The following OSTC variants were observed in gnomAD, a reference collection of about 807,000 sequenced individuals.
The protein encoded by OSTC is oligosaccharyltransferase complex non-catalytic subunit.
A neutral mutation model predicts 16.4 loss-of-function variants in OSTC; 16 were observed. The ratio of observed to expected loss-of-function variants is 0.98; its 90% CI spans 0.66 to 1.49. The LOEUF (loss-of-function observed/expected upper bound fraction) is 1.49, where lower values mean the gene tolerates loss of function less well. OSTC is among the 40% of genes most tolerant of loss of function. The pLI is 0.00. For missense variants in OSTC, 139 were observed against 186.3 expected, an observed-to-expected ratio of 0.75 and a Z score of 1.48; for synonymous variants, 67 against 68.5, an observed-to-expected ratio of 0.98 and a Z score of 0.11.
intron 1 of OSTC, among the ~76,000 whole-genome samples, chr4:108,654,769 T>TCAG (rs1726656982): frequency 6.6e-6 from 1 of 152,198 alleles, no homozygotes; most frequent in Admixed American, 6.5e-5. Context: ...ACGATGACAT[T>TCAG]ATGACATAAT....
intron 1 of OSTC, 89 bp from the exon 2 acceptor site, chr4:108,655,473 AGT>A: frequency 2.3e-6 from 2 of 879,064 alleles, no homozygotes. Context: ...TCTCAAAAAA[AGT>A]AAATGAACCT....
At chr4:108,655,883 T>C (rs1726686405) in intron 2 of OSTC, among the ~76,000 whole-genome samples, 3 of 152,312 alleles carry the variant, frequency 2.0e-5, no homozygotes, top group Admixed American at 2.0e-4. Flanking sequence ...CAATTTACAG[T>C]AGGGTGTCAG....
chr4:108,659,444 C>T (rs1560624134), intron 3 of OSTC, among the ~76,000 whole-genome samples: 2 of 152,124 alleles, frequency 1.3e-5, no homozygotes, highest in Admixed American at 1.3e-4. Flanking sequence ...CTGAAGTTTT[C>T]ATTAGCAGAG....
chr4:108,665,526 ATGTTTTGTGTTT>A (rs1435532845), intron 3 of OSTC, among the ~76,000 whole-genome samples: 4 of 27,154 alleles, frequency 1.5e-4, no homozygotes, highest in African/African-American at 2.1e-4. Context: ...GTTAGCCAGG[ATGTTTTGTGTTT>A]TGTTTTGTTT....
chr4:108,667,161 G>C (rs1727029744), intron 3 of OSTC, 86 bp from the exon 4 acceptor site: 4 of 1,065,350 alleles, frequency 3.8e-6, no homozygotes, highest in Non-Finnish European at 5.6e-6. Context: ...CATAAAATTT[G>C]TTTTGGCATT....
intron 3 of OSTC, among the ~76,000 whole-genome samples, chr4:108,664,491 A>G (rs897268441): frequency 7.0e-6 from 1 of 143,870 alleles, no homozygotes; most frequent in Non-Finnish European, 1.5e-5. Context: ...TGTGAAGCTT[A>G]TGTTTTAAAG....
chr4:108,655,001 C>T (rs1726663129), intron 1 of OSTC, among the ~76,000 whole-genome samples: 1 of 152,178 alleles, frequency 6.6e-6, no homozygotes, highest in Non-Finnish European at 1.5e-5. Context: ...GTATTAGCAA[C>T]TCTTATTGGA....
At position 108,663,513 on chromosome 4, in the gene OSTC, A is replaced by G. The variant is rs551951454; in HGVS notation, c.432-3734A>G. Among the ~76,000 whole-genome samples, 123 of 152,332 alleles carry G rather than the reference A, an allele frequency of 8.1e-4. 2 individuals are homozygous for G. In the South Asian group the frequency reaches 9.5e-3, roughly 12 times the overall value. On this transcript the variant is annotated intron_variant, in intron 3 of 3. Transcript: ENST00000361564. ...CCAAGGTGCCCAGCCTGAATAAACC[A>G]TTACTGTTTCTAAAAGAAGAAAGTG...
intron 2 of OSTC, 48 bp downstream of exon 2, chr4:108,655,705 T>G: frequency 6.0e-6 from 8 of 1,334,214 alleles, no homozygotes; most frequent in Non-Finnish European, 8.6e-6. Context: ...AGAAGGTTGC[T>G]GTGGTATGCC....
chr4:108,651,910 G>A (rs550325405), intron 1 of OSTC, among the ~76,000 whole-genome samples: 1 of 152,108 alleles, frequency 6.6e-6, no homozygotes, highest in Non-Finnish European at 1.5e-5. Flanking sequence ...CCCCAATCTA[G>A]AATAGTGAGA....
chr4:108,658,467 T>C (rs1726769183), intron 3 of OSTC, among the ~76,000 whole-genome samples: 1 of 151,650 alleles, frequency 6.6e-6, no homozygotes, highest in African/African-American at 2.4e-5. Context: ...GTTTAATGTG[T>C]ATTTAAAGAT....
chr4:108,663,445 C>T (rs147704478), intron 3 of OSTC: 68 of 306,356 alleles, frequency 2.2e-4, no homozygotes, highest in Middle Eastern at 1.2e-3. Context: ...CCTCGTGATC[C>T]GCCTGCCACG....
intron 2 of OSTC, among the ~76,000 whole-genome samples, chr4:108,656,430 A>G (rs373504189): frequency 2.0e-5 from 3 of 150,556 alleles, no homozygotes; most frequent in Non-Finnish European, 4.4e-5. Context: ...CTTGGTACAT[A>G]TATTGTGTTT....
chr4:108,659,355 C>CTCT (rs10670146), intron 3 of OSTC, among the ~76,000 whole-genome samples: 123,185 of 151,576 alleles, frequency 0.81, 50,391 homozygotes, highest in East Asian at 1. Context: ...GTACTCCAGC[C>CTCT]TCTTATTGTT....
At chr4:108,653,344 C>T (rs780580904) in intron 1 of OSTC, among the ~76,000 whole-genome samples, 4 of 152,114 alleles carry the variant, frequency 2.6e-5, no homozygotes, top group Non-Finnish European at 5.9e-5. Flanking sequence ...CGATATGATT[C>T]CTGAGGAAAT....
intron 3 of OSTC, among the ~76,000 whole-genome samples, chr4:108,666,316 A>G (rs1415484745): frequency 6.6e-6 from 1 of 152,200 alleles, no homozygotes; most frequent in African/African-American, 2.4e-5. Context: ...AGAGCCTAAA[A>G]TAGATTGATT....
intron 3 of OSTC, among the ~76,000 whole-genome samples, chr4:108,658,695 T>C (rs952530702): frequency 1.2e-4 from 19 of 152,142 alleles, no homozygotes; most frequent in South Asian, 6.2e-4. Context: ...GTATTTTATT[T>C]TTAGTATTTT....
chr4:108,667,121 A>AT, intron 3 of OSTC, 126 bp from the exon 4 acceptor site: 1 of 701,748 alleles, frequency 1.4e-6, no homozygotes, highest in Non-Finnish European at 2.3e-6. Context: ...GAATCACGCA[A>AT]TTATATTTTT....
Position 108,667,196 on chromosome 4 carries a change from A to C in OSTC, c.432-51A>C, listed in dbSNP as rs750345028. 3 of 1,497,654 alleles carry C rather than the reference A, an allele frequency of 2.0e-6. No homozygotes were observed. The East Asian group carries it at 6.8e-5, about 34-fold the overall frequency. The allele number at this position is 1,497,654 out of a possible 1,614,324, so 92.8% of individuals were successfully genotyped here. ...TTTGAAATACTATGATAATAAGAGA[A>C]TATAAAAACAATTCTTTTCACTTTT... On this transcript the variant is annotated intron_variant, in intron 3 of 3. Coordinates refer to ENST00000361564, the MANE Select transcript of OSTC (RefSeq NM_021227.4).
Sources: allele counts gnomAD v4.1 joint callset (sites outside exome capture counted in the v4.1 genomes callset), GRCh38; gene constraint gnomAD v4.1.1; transcripts MANE v1.5; gene names NCBI Gene and HGNC (gene_info 2026-07-23, HGNC 2026-07-21).